The following XKR9 variants were observed in gnomAD, a reference collection of about 807,000 sequenced individuals.
The protein encoded by XKR9 is XK-related protein 9.
XKR9 carries 32 observed loss-of-function variants against 32.0 expected under a neutral mutation model. That is an observed-to-expected ratio of 1.00 (90% confidence interval 0.76 to 1.34). The LOEUF (loss-of-function observed/expected upper bound fraction) is 1.34. Ranked by LOEUF, XKR9 falls within the 40% of genes most tolerant of loss-of-function variation. XKR9 has a pLI of 0.00. For synonymous variants in XKR9, 168 were observed against 143.4 expected, an observed-to-expected ratio of 1.17 and a Z score of -1.22; for missense variants, 546 against 429.7, an observed-to-expected ratio of 1.27 and a Z score of -2.39.
chr8:70,776,947 C>CTCTATATATATA lies in XKR9; in HGVS notation n.353-12391_353-12390insCTATATATATAT. Among the ~76,000 whole-genome samples, 95 of 54,212 alleles carry CTCTATATATATA rather than the reference C, an allele frequency of 1.8e-3. 1 individual carries two copies. The highest frequency in any genetic ancestry group is 5.9e-3 in the African/African-American group (75 of 12,608). 35.6% of individuals were successfully genotyped at this position (54,212 alleles called of 152,430 possible). On this transcript the variant is annotated intron_variant and non_coding_transcript_variant, in intron 2 of 3. Coordinates refer to the XKR9 transcript ENST00000520273. ...TTTCTCTCTCTCTCTCTCTCTCTCT[C>CTCTATATATATA]TATATATATATATATATGTATGTAT... is the stretch of plus-strand genomic sequence containing the variant.
At chr8:70,942,174 A>C in the XKR9 span, among the ~76,000 whole-genome samples, 1 of 152,158 alleles carries the variant, frequency 6.6e-6, no homozygotes, top group African/African-American at 2.4e-5. Flanking sequence ...AGAAATTGTC[A>C]CTAGCAAGCT....
chr8:71,022,664 T>A, the XKR9 span, among the ~76,000 whole-genome samples: 1 of 152,346 alleles, frequency 6.6e-6, no homozygotes, highest in Admixed American at 6.5e-5. Context: ...CTCAATCTCT[T>A]GCTAGACTTG....
the XKR9 span, among the ~76,000 whole-genome samples, chr8:70,877,878 A>G: frequency 6.6e-6 from 1 of 152,246 alleles, no homozygotes; most frequent in Admixed American, 6.5e-5. Context: ...CAAGGTTGAA[A>G]TGAAGGAAAA....
At chr8:70,881,337 A>T in the XKR9 span, among the ~76,000 whole-genome samples, 6 of 152,328 alleles carry the variant, frequency 3.9e-5, no homozygotes, top group African/African-American at 1.4e-4. Context: ...CAAGCAACTT[A>T]CAGAATGGGA....
chr8:70,832,630 G>C, the XKR9 span, among the ~76,000 whole-genome samples: 4 of 152,214 alleles, frequency 2.6e-5, no homozygotes, highest in Admixed American at 6.5e-5. Context: ...AATATTACTA[G>C]ATAACTCCTA....
At chr8:70,813,646 C>T in the XKR9 span, among the ~76,000 whole-genome samples, 3 of 152,318 alleles carry the variant, frequency 2.0e-5, no homozygotes, top group Admixed American at 2.0e-4. Context: ...TGAACAGACA[C>T]TTCTTCAAAA....
At chr8:70,917,979 A>T in the XKR9 span, among the ~76,000 whole-genome samples, 1 of 152,226 alleles carries the variant, frequency 6.6e-6, no homozygotes, top group Non-Finnish European at 1.5e-5. Context: ...AGTGTTGGTT[A>T]TTAATTGTAA....
At chr8:70,781,861 T>C (rs1807621720) in intron 2 of XKR9, among the ~76,000 whole-genome samples, 1 of 152,182 alleles carries the variant, frequency 6.6e-6, no homozygotes, top group African/African-American at 2.4e-5. Flanking sequence ...ATAAAATATT[T>C]ATGCGGATTA....
At chr8:71,000,896 G>A in the XKR9 span, among the ~76,000 whole-genome samples, 1 of 152,218 alleles carries the variant, frequency 6.6e-6, no homozygotes, top group Non-Finnish European at 1.5e-5. Flanking sequence ...GCAGAAATGA[G>A]AGGGCTACTT....
the XKR9 span, among the ~76,000 whole-genome samples, chr8:71,042,689 A>G: frequency 6.6e-6 from 1 of 151,908 alleles, no homozygotes; most frequent in Admixed American, 6.5e-5. Context: ...AATGTTTAGG[A>G]TGTTTTAAAT....
the XKR9 span, among the ~76,000 whole-genome samples, chr8:70,888,806 G>C: frequency 6.6e-6 from 1 of 151,748 alleles, no homozygotes; most frequent in Non-Finnish European, 1.5e-5. Flanking sequence ...CTGTTTGATT[G>C]GTCTGTGTTT....
chr8:70,700,448 T>G (rs1586830683), intron 3 of XKR9, among the ~76,000 whole-genome samples: 2 of 152,330 alleles, frequency 1.3e-5, no homozygotes, highest in African/African-American at 4.8e-5. Context: ...AGAGGTCCAC[T>G]CCAGAACCTG....
the XKR9 span, among the ~76,000 whole-genome samples, chr8:70,942,117 A>G: frequency 6.6e-6 from 1 of 152,134 alleles, no homozygotes. Context: ...GAACAGTTGA[A>G]CAGTTATATT....
intron 3 of XKR9, among the ~76,000 whole-genome samples, chr8:70,688,153 G>A (rs986532880): frequency 2.0e-5 from 3 of 152,216 alleles, no homozygotes; most frequent in African/African-American, 7.2e-5. Context: ...GGTCTCTTCT[G>A]TGGAGATGAA....
the XKR9 span, among the ~76,000 whole-genome samples, chr8:71,005,206 T>A: frequency 6.9e-6 from 1 of 144,308 alleles, no homozygotes; most frequent in South Asian, 2.1e-4. Flanking sequence ...GGGGCTCAGT[T>A]TTTTTTTCTT....
the XKR9 span, among the ~76,000 whole-genome samples, chr8:70,867,406 TC>T: frequency 6.6e-6 from 1 of 152,158 alleles, no homozygotes; most frequent in African/African-American, 2.4e-5. Flanking sequence ...GCCACACATT[TC>T]AAAACCAATT....
chr8:71,024,715 C>T, the XKR9 span, among the ~76,000 whole-genome samples: 4 of 151,914 alleles, frequency 2.6e-5, no homozygotes, highest in African/African-American at 9.7e-5. Context: ...CTCCCACTTA[C>T]CACTGGACAT....
At chr8:70,802,312 C>T in the XKR9 span, among the ~76,000 whole-genome samples, 1,662 of 151,934 alleles carry the variant, frequency 0.011, 19 homozygotes, top group Non-Finnish European at 0.013. Context: ...TGCTTTTTTT[C>T]TGTTTTCTGT....
chr8:70,769,159 A>G (rs1221907180), intron 2 of XKR9, among the ~76,000 whole-genome samples: 1 of 151,888 alleles, frequency 6.6e-6, no homozygotes, highest in African/African-American at 2.4e-5. Context: ...GCTTGACTGT[A>G]AAGGATTTTA....
Sources: gnomAD v4.1 joint callset for allele counts (sites outside exome capture counted in the v4.1 genomes callset) on GRCh38, gnomAD v4.1.1 for gene constraint, MANE v1.5 for transcripts, NCBI Gene and HGNC (gene_info 2026-07-23, HGNC 2026-07-21) for gene names.